CACNA1B: variants seen among roughly 807,000 people sequenced by gnomAD.
CACNA1B encodes voltage-dependent N-type calcium channel subunit alpha-1B.
A neutral mutation model predicts 247.2 loss-of-function variants in CACNA1B; 70 were observed. The observed-to-expected ratio is 0.28, with a 90% CI of 0.23 to 0.35. The LOEUF is 0.35. CACNA1B is among the 10% of genes least tolerant of loss of function. The pLI is 1.00. For missense variants in CACNA1B, 2,367 were observed against 3,197.4 expected, an observed-to-expected ratio of 0.74 and a Z score of 6.26; for synonymous variants, 1,231 against 1,294.4, an observed-to-expected ratio of 0.95 and a Z score of 1.05.
At chr9:137,932,479 CA>C (rs1368522818) in intron 6 of CACNA1B, among the ~76,000 whole-genome samples, 6 of 152,206 alleles carry the variant, frequency 3.9e-5, no homozygotes, top group African/African-American at 1.4e-4. Flanking sequence ...CTATGGTGAA[CA>C]CATGGGCTAG....
chr9:137,981,145 C>T (rs1394912181), intron 12 of CACNA1B, among the ~76,000 whole-genome samples: 2 of 152,196 alleles, frequency 1.3e-5, no homozygotes, highest in Admixed American at 6.5e-5. Context: ...GCTTCGCCAA[C>T]ATCTGTTATT....
intron 20 of CACNA1B, among the ~76,000 whole-genome samples, chr9:138,037,531 C>G (rs180873658): frequency 3.3e-5 from 5 of 152,174 alleles, no homozygotes; most frequent in Admixed American, 1.3e-4. Flanking sequence ...TGGTGGCAAG[C>G]GCCTGTAATT....
chr9:138,116,439 G>A (rs1212885168), intron 42 of CACNA1B, among the ~76,000 whole-genome samples: 7 of 152,136 alleles, frequency 4.6e-5, no homozygotes, highest in African/African-American at 7.2e-5. Flanking sequence ...CCAGATCCTG[G>A]GGGCTGACTC....
chr9:138,075,207 C>T (rs942978310), intron 34 of CACNA1B, among the ~76,000 whole-genome samples: 2 of 152,182 alleles, frequency 1.3e-5, no homozygotes, highest in African/African-American at 4.8e-5. Flanking sequence ...TTAAAATTTG[C>T]AGAGATCTGA....
Position 138,083,421 on chromosome 9 carries a change from C to T in CACNA1B, c.5094+5163C>T, listed in dbSNP as rs989399725. Among the ~76,000 whole-genome samples the T allele has an allele frequency of 6.6e-5, 10 of 150,958 alleles. 1 individual carries two copies. The highest frequency in any genetic ancestry group is 2.2e-4 in the African/African-American group (9 of 40,710). On this transcript the variant is annotated intron_variant, in intron 36 of 46. Coordinates refer to ENST00000371372, the MANE Select transcript of CACNA1B (RefSeq NM_000718.4). ...CCAGAGCTGAAGTGGTACCCTGCCT[C>T]CTGGGAAAACAGTACCTTGGCCACT...
Position 138,100,809 on chromosome 9 carries a change from G to A in CACNA1B, c.5223-1902G>A, listed in dbSNP as rs1391651167. 6.6e-6 allele frequency among the ~76,000 whole-genome samples: 1 copy of A among 152,160 alleles called. No individual in the cohort carries two copies. Among genetic ancestry groups the A allele is most frequent in the East Asian group, 1.9e-4 (1 of 5,176 alleles). The stretch of plus-strand genomic sequence containing the variant: ...GTTTGGCTGACCTGGGAGGCCCAGG[G>A]AGCATCGTCACTCAGGGAGTGAGAG... On this transcript the variant is annotated intron_variant, in intron 37 of 46. Transcript: ENST00000371372. This position sits in a 1 kb window ranked among gnomAD's most constrained non-coding sequence, Gnocchi z 4.6.
Position 138,096,582 on chromosome 9 carries a change from G to T in CACNA1B, c.5193G>T (p.Arg1731=), listed in dbSNP as rs199602192. The stretch of plus-strand genomic sequence containing the variant: ...CTCACCACTTGGATGAGTTCATCCG[G>T]GTCTGGGCTGAATACGACCCGGCTG... ...LGPHHLDEFI[R]VWAEYDPAAC... The change falls in exon 37 of 47, where the codon CGG becomes CGT. Residue 1731 remains arginine (R), a synonymous_variant. Coordinates refer to ENST00000371372, the MANE Select transcript of CACNA1B (RefSeq NM_000718.4). The T allele has an allele frequency of 3.1e-6, 5 of 1,612,786 alleles. No homozygotes were observed. Among genetic ancestry groups the T allele is most frequent in the Non-Finnish European group, 4.2e-6 (5 of 1,179,494 alleles).
At chr9:138,076,001 G>A (rs577247349) in intron 35 of CACNA1B, 91 bp downstream of exon 35, 2 of 825,064 alleles carry the variant, frequency 2.4e-6, no homozygotes, top group South Asian at 3.0e-5. Context: ...CAACCGTGGA[G>A]ACCACCCACT....
At chr9:138,046,000 G>A (rs1395337300) in intron 21 of CACNA1B, among the ~76,000 whole-genome samples, 3 of 152,154 alleles carry the variant, frequency 2.0e-5, no homozygotes, top group Non-Finnish European at 2.9e-5. Context: ...GATGGGGGCC[G>A]TCTGCCCCAC....
Position 137,882,786 on chromosome 9 carries a change from G to A in CACNA1B, c.433G>A (p.Ala145Thr). ...TTTCATCGGGATCTTTTGCTTCGAG[G>A]CAGGGATCAAAATCATCGCTCTGGG... ...PYFIGIFCFE[A>T]GIKIIALGFV... Residue 145 changes from alanine to threonine, a missense_variant, in exon 3 of 47, where the codon GCA becomes ACA. Coordinates refer to ENST00000371372, the MANE Select transcript of CACNA1B (RefSeq NM_000718.4). The surrounding 1 kb of genome is among the most constrained non-coding windows in gnomAD (Gnocchi z 4.0). 1 of 1,613,982 alleles carries A rather than the reference G, an allele frequency of 6.2e-7. No homozygotes were observed. Among genetic ancestry groups the A allele is most frequent in the Non-Finnish European group, 8.5e-7 (1 of 1,179,852 alleles).
chr9:137,996,805 CATT>C (rs1958506325), intron 15 of CACNA1B, among the ~76,000 whole-genome samples: 3 of 152,112 alleles, frequency 2.0e-5, no homozygotes, highest in African/African-American at 7.2e-5. Context: ...GCTCGCCACT[CATT>C]GTATGAAACT....
chr9:138,071,706 C>T lies in CACNA1B; in HGVS notation c.4675-1782C>T, dbSNP rs570070402. On this transcript the variant is annotated intron_variant, in intron 32 of 46. Transcript: ENST00000371372. ...AATTTGGACAAACTGTTACTCTCCA[C>T]GCACCTCTCGCCTGCCCTGTTGTCT... is the stretch of plus-strand genomic sequence containing the variant. 3.3e-5 allele frequency among the ~76,000 whole-genome samples: 5 copies of T among 152,294 alleles called. No individual in the cohort carries two copies. The East Asian group carries it at 7.7e-4, about 24-fold the overall frequency.
At chr9:138,000,527 G>T (rs545973890) in intron 15 of CACNA1B, among the ~76,000 whole-genome samples, 47 of 152,260 alleles carry the variant, frequency 3.1e-4, no homozygotes, top group African/African-American at 1.1e-3. Flanking sequence ...CTATCTTTCT[G>T]CCTCCTGCCT....
chr9:138,015,085 C>T (rs555692202), intron 18 of CACNA1B, among the ~76,000 whole-genome samples: 1 of 152,254 alleles, frequency 6.6e-6, no homozygotes, highest in South Asian at 2.1e-4. Context: ...TGTTCTGCCT[C>T]ACGGTGGGTC....
rs773738679 is a variant in CACNA1B at position 138,052,131 on chromosome 9, G to A, written c.3750G>A (p.Leu1250=). Residue 1250 remains leucine, a synonymous_variant, in exon 25 of 47, where the codon CTG becomes CTA. Coordinates refer to ENST00000371372, the MANE Select transcript of CACNA1B (RefSeq NM_000718.4). This position sits in a 1 kb window ranked among gnomAD's most constrained non-coding sequence, Gnocchi z 5.1. ...AAGACATCAATACCATCAAGTCTCT[G>A]AGAGTCCTTCGTGTCCTGCGGCCCC... is the stretch of plus-strand genomic sequence containing the variant. ...KGKDINTIKS[L]RVLRVLRPLK... 3 of 1,612,612 alleles carry A rather than the reference G, an allele frequency of 1.9e-6. 1 individual carries two copies. In the South Asian group the frequency reaches 3.3e-5, roughly 18 times the overall value.
rs953200877 is a variant in CACNA1B, at chr9:138,050,514, C to G, written c.3710+1199C>G. ...CTCTCCACTCCAGCCCCCTGCAGTT[C>G]CCACTATTTCCTCTTTCTGTGATAA... On this transcript the variant is annotated intron_variant, in intron 24 of 46. Transcript: ENST00000371372. This position sits in a 1 kb window ranked among gnomAD's most constrained non-coding sequence, Gnocchi z 5.2. Among the ~76,000 whole-genome samples, 1 of 152,224 alleles carries G rather than the reference C, an allele frequency of 6.6e-6. No individual in the cohort carries two copies. The highest frequency in any genetic ancestry group is 2.4e-5 in the African/African-American group (1 of 41,454).
intron 6 of CACNA1B, among the ~76,000 whole-genome samples, chr9:137,935,254 A>G (rs1957652272): frequency 6.6e-6 from 1 of 150,684 alleles, no homozygotes; most frequent in Non-Finnish European, 1.5e-5. Context: ...CCTCCCCCAT[A>G]CCCCCCACCC....
At chr9:137,967,739 G>A (rs1033533360) in intron 10 of CACNA1B, among the ~76,000 whole-genome samples, 4 of 152,154 alleles carry the variant, frequency 2.6e-5, no homozygotes, top group African/African-American at 7.2e-5. Context: ...TCGGACACTC[G>A]GATGCTTTTC....
intron 10 of CACNA1B, among the ~76,000 whole-genome samples, chr9:137,968,141 C>A (rs1958103156): frequency 6.6e-6 from 1 of 152,192 alleles, no homozygotes; most frequent in Admixed American, 6.5e-5. Context: ...GGGTACCCAG[C>A]AGACACCGAG....
Sources: gnomAD v4.1 joint callset for allele counts (sites outside exome capture counted in the v4.1 genomes callset) on GRCh38, gnomAD v4.1.1 for gene constraint, Gnocchi (gnomAD v3.1) non-coding constraint, MANE v1.5 for transcripts, NCBI Gene and HGNC (gene_info 2026-07-23, HGNC 2026-07-21) for gene names.